Variants in PCDHGA3 observed in about 807,000 individuals in gnomAD.
PCDHGA3 encodes the protein protocadherin gamma-A3.
Under a neutral mutation model 58.5 loss-of-function variants are expected in PCDHGA3, and 40 were observed. The observed-to-expected ratio is 0.68, with a 90% confidence interval of 0.53 to 0.89. PCDHGA3 has a LOEUF of 0.89. Ranked by LOEUF, PCDHGA3 falls within the 40% of genes least tolerant of loss-of-function variation. The probability of loss-of-function intolerance (pLI) is 0.00; values close to 1 mark genes in which losing one functional copy is unlikely to be tolerated. For missense variants in PCDHGA3, 1,223 were observed against 1,195.9 expected, an observed-to-expected ratio of 1.02 and a Z score of -0.33; for synonymous variants, 530 against 525.7, an observed-to-expected ratio of 1.01 and a Z score of -0.11.
intron 1 of PCDHGA3, chr5:141,400,715 T>C: frequency 1.5e-6 from 1 of 682,576 alleles, no homozygotes; most frequent in Non-Finnish European, 2.4e-6. Context: ...AGTAGCCTTA[T>C]AGATTTACAA....
chr5:141,386,941 C>A (rs1391826060), intron 1 of PCDHGA3, among the ~76,000 whole-genome samples: 1 of 152,212 alleles, frequency 6.6e-6, no homozygotes, highest in Non-Finnish European at 1.5e-5. Context: ...AGGTAGGAAG[C>A]AGTGCTTCAG....
At chr5:141,415,589 T>A in intron 1 of PCDHGA3, 1 of 1,614,062 alleles carries the variant, frequency 6.2e-7, no homozygotes, top group East Asian at 2.2e-5. Flanking sequence ...AAGTTTCCTA[T>A]AGAGGATACC....
chr5:141,374,760 C>A, intron 1 of PCDHGA3: 1 of 1,613,440 alleles, frequency 6.2e-7, no homozygotes, highest in Non-Finnish European at 8.5e-7. Flanking sequence ...TCAAGCGTCG[C>A]CCAAATTCTG....
At position 141,477,112 on chromosome 5, in the gene PCDHGA3, A is replaced by C. The variant is rs745449028; in HGVS notation, c.2425-17695A>C. The C allele has an allele frequency of 2.5e-6, 4 of 1,614,262 alleles. No homozygotes were observed. The South Asian group carries it at 4.4e-5, about 18-fold the overall frequency. Reference sequence around the variant, plus strand: ...CCAAAGACAAGGGCGCCAATCCCGAAGGAGCACATTGCAAAGTGTTGGTGG... The same window carrying C: ...CCAAAGACAAGGGCGCCAATCCCGACGGAGCACATTGCAAAGTGTTGGTGG... On this transcript the variant is annotated intron_variant, in intron 1 of 3. Transcript: ENST00000253812. This position sits in a 1 kb window ranked among gnomAD's most constrained non-coding sequence, Gnocchi z 4.9.
chr5:141,390,477 C>T (rs2150421205), intron 1 of PCDHGA3: 3 of 678,620 alleles, frequency 4.4e-6, no homozygotes, highest in South Asian at 2.0e-5. Flanking sequence ...TGTGGCCCAA[C>T]ATTTGTTTGT....
rs1167955962 is a variant in PCDHGA3, at chr5:141,477,078, A to G, written c.2425-17729A>G. ...GAGGACACCAAACTCCATGAGATTT[A>G]CATCCAGGCCAAAGACAAGGGCGCC... On this transcript the variant is annotated intron_variant, in intron 1 of 3. Transcript: ENST00000253812. This position sits in a 1 kb window ranked among gnomAD's most constrained non-coding sequence, Gnocchi z 4.9. The G allele has an allele frequency of 6.8e-6, 11 of 1,614,262 alleles. No individual in the cohort carries two copies. In the South Asian group the frequency reaches 1.2e-4, roughly 18 times the overall value.
chr5:141,370,825 AACTGGCTCTC>A (rs1767227314), intron 1 of PCDHGA3: 3 of 1,614,070 alleles, frequency 1.9e-6, no homozygotes, highest in Admixed American at 3.3e-5. Context: ...GAAATCAGCG[AACTGGCTCTC>A]ACTGGAGCCA....
chr5:141,444,043 T>C (rs542828018), intron 1 of PCDHGA3, among the ~76,000 whole-genome samples: 1 of 151,820 alleles, frequency 6.6e-6, no homozygotes, highest in African/African-American at 2.4e-5. Context: ...AATCAGATAA[T>C]TTGGCATCTT....
Position 141,344,569 on chromosome 5 carries a change from C to G in PCDHGA3, c.536C>G (p.Ser179Cys). Residue 179 changes from serine to cysteine, a missense_variant, in exon 1 of 4, where the codon TCT (serine) becomes TGT (cysteine). Coordinates refer to ENST00000253812, the MANE Select transcript of PCDHGA3 (RefSeq NM_018916.4). ...AAGCTTAGCCCCAATGACTACTTCT[C>G]TCTGGCTGTGAATAGCGTCTCTGAG... is the stretch of plus-strand genomic sequence containing the variant. The part of the protein sequence containing the change: ...NYKLSPNDYF[S>C]LAVNSVSEGA... The G allele has an allele frequency of 1.9e-6, 3 of 1,614,034 alleles. No homozygotes were observed. The highest frequency in any genetic ancestry group is 2.5e-6 in the Non-Finnish European group (3 of 1,179,900).
chr5:141,384,119 C>G, intron 1 of PCDHGA3: 5 of 1,608,930 alleles, frequency 3.1e-6, no homozygotes, highest in Non-Finnish European at 4.2e-6. Context: ...TTGGTCACAA[C>G]CAAAAACTTG....
intron 1 of PCDHGA3, chr5:141,423,750 TGG>T (rs144521096): frequency 3.2e-4 from 92 of 287,850 alleles, no homozygotes; most frequent in South Asian, 5.2e-4. Context: ...GAAAACTGTT[TGG>T]GGGGGGGGTG....
Position 141,410,620 on chromosome 5 carries a change from G to A in PCDHGA3, c.2424+64163G>A, listed in dbSNP as rs765125633. 4 of 1,603,524 alleles carry A rather than the reference G, an allele frequency of 2.5e-6. No homozygotes were observed. In the South Asian group the frequency reaches 3.3e-5, roughly 13 times the overall value. On this transcript the variant is annotated intron_variant, in intron 1 of 3. Coordinates refer to ENST00000253812, the MANE Select transcript of PCDHGA3 (RefSeq NM_018916.4). The stretch of plus-strand genomic sequence containing the variant: ...CTTCACATCCTGAGACTCTGACTTC[G>A]GTGAGTTTCTCTTTTTTGTGTGTGA...
At chr5:141,455,690 C>T (rs1209152869) in intron 1 of PCDHGA3, among the ~76,000 whole-genome samples, 1 of 152,064 alleles carries the variant, frequency 6.6e-6, no homozygotes, top group Non-Finnish European at 1.5e-5. Context: ...CTGTGGGAAT[C>T]GCCAAGTTGA....
At chr5:141,382,922 G>A (rs760288273) in intron 1 of PCDHGA3, 35 of 1,561,514 alleles carry the variant, frequency 2.2e-5, no homozygotes, top group Non-Finnish European at 2.9e-5. Context: ...CCGAGGGGCG[G>A]GGACTACAGA....
chr5:141,374,991 C>A, intron 1 of PCDHGA3: 1 of 1,614,036 alleles, frequency 6.2e-7, no homozygotes, highest in Non-Finnish European at 8.5e-7. Flanking sequence ...GAAATTTCAA[C>A]TTCTGCAAAT....
At chr5:141,360,171 G>A (rs749092806) in intron 1 of PCDHGA3, 13 of 1,608,392 alleles carry the variant, frequency 8.1e-6, no homozygotes, top group African/African-American at 1.3e-5. Flanking sequence ...GGCTGGTGCG[G>A]TGGCTGCAGG....
chr5:141,393,896 T>G (rs754023896), intron 1 of PCDHGA3: 1 of 1,613,942 alleles, frequency 6.2e-7, no homozygotes, highest in Non-Finnish European at 8.5e-7. Context: ...AAAATTCTCT[T>G]CCCGGGACAG....
At chr5:141,433,360 T>C (rs1313053553) in intron 1 of PCDHGA3, 46 of 298,056 alleles carry the variant, frequency 1.5e-4, no homozygotes, top group Non-Finnish European at 2.5e-4. Context: ...ACTGTCTGCC[T>C]ATCTATCTAT....
Position 141,422,537 on chromosome 5 carries a change from C to T in PCDHGA3, c.2425-72270C>T, listed in dbSNP as rs993210917. 2.5e-6 allele frequency: 4 copies of T among 1,613,874 alleles called. No individual in the cohort carries two copies. Among genetic ancestry groups the T allele is most frequent in the Non-Finnish European group, 3.4e-6 (4 of 1,179,894 alleles). ...GGAAGCCCGCCTTTGTCTGCAGAAA[C>T]TCATGTCTGGCTGAATGTGGCAGAT... is the stretch of plus-strand genomic sequence containing the variant. On this transcript the variant is annotated intron_variant, in intron 1 of 3. Coordinates refer to ENST00000253812, the MANE Select transcript of PCDHGA3 (RefSeq NM_018916.4).
Sources: gnomAD v4.1 joint callset for allele counts (sites outside exome capture counted in the v4.1 genomes callset) on GRCh38, gnomAD v4.1.1 for gene constraint, Gnocchi (gnomAD v3.1) non-coding constraint, MANE v1.5 for transcripts, NCBI Gene and HGNC (gene_info 2026-07-23, HGNC 2026-07-21) for gene names.